Variants in RALYL observed in about 807,000 individuals in gnomAD.
The protein encoded by RALYL is RNA-binding Raly-like protein.
Under a neutral mutation model 35.1 loss-of-function variants are expected in RALYL, and 29 were observed. The ratio of observed to expected loss-of-function variants is 0.83; its 90% confidence interval spans 0.61 to 1.13. The LOEUF is 1.13. Among genes scored for constraint, RALYL ranks in the 50% most tolerant of loss-of-function variants. The probability of loss-of-function intolerance (pLI) is 0.00; values close to 1 mark genes in which losing one functional copy is unlikely to be tolerated. For missense variants in RALYL, 359 were observed against 360.4 expected, an observed-to-expected ratio of 1.00 and a Z score of 0.03; for synonymous variants, 120 against 127.6, an observed-to-expected ratio of 0.94 and a Z score of 0.40.
At chr8:84,218,628 C>A (rs1205423428) in intron 1 of RALYL, among the ~76,000 whole-genome samples, 1 of 152,010 alleles carries the variant, frequency 6.6e-6, no homozygotes, top group East Asian at 1.9e-4. Flanking sequence ...GTTTCACTCC[C>A]TCTGAAGAGT....
At chr8:84,605,560 C>G (rs543281895) in intron 2 of RALYL, among the ~76,000 whole-genome samples, 2 of 152,094 alleles carry the variant, frequency 1.3e-5, no homozygotes, top group Non-Finnish European at 2.9e-5. Flanking sequence ...ATAGGCTCAA[C>G]CCTGTTCAGT....
chr8:84,842,378 T>A (rs578070317), intron 4 of RALYL, among the ~76,000 whole-genome samples: 7 of 152,222 alleles, frequency 4.6e-5, no homozygotes, highest in African/African-American at 1.7e-4. Flanking sequence ...AAGAAACGGA[T>A]AAATTCCTCG....
rs903000312 is a variant in RALYL at position 84,862,515 on chromosome 8, G to A, written c.571+62G>A. The A allele has an allele frequency of 1.6e-5, 20 of 1,287,798 alleles. No homozygotes were observed. The Admixed American group carries it at 4.3e-4, about 28-fold the overall frequency. 79.8% of individuals were successfully genotyped at this position (1,287,798 alleles called of 1,614,324 possible). ...AGGGAGTGATTAACTATCATTGCACGAATGCCTATATTCAATAAATTAACC... is the reference window on the plus strand; with the variant it reads ...AGGGAGTGATTAACTATCATTGCACAAATGCCTATATTCAATAAATTAACC... On this transcript the variant is annotated intron_variant, in intron 6 of 8. Transcript: ENST00000521268.
intron 2 of RALYL, among the ~76,000 whole-genome samples, chr8:84,650,317 A>G (rs1828460728): frequency 6.6e-6 from 1 of 151,874 alleles, no homozygotes; most frequent in East Asian, 1.9e-4. Context: ...TTTGCAACCT[A>G]CTCATCTGAC....
intron 2 of RALYL, among the ~76,000 whole-genome samples, chr8:84,656,968 G>A (rs1830073780): frequency 6.6e-6 from 1 of 152,072 alleles, no homozygotes; most frequent in Non-Finnish European, 1.5e-5. Flanking sequence ...GAGGCAAAAT[G>A]AGCTCACTTT....
chr8:84,330,151 A>G (rs1279515492), intron 1 of RALYL, among the ~76,000 whole-genome samples: 2 of 152,074 alleles, frequency 1.3e-5, no homozygotes, highest in Non-Finnish European at 2.9e-5. Context: ...TCTCTGGAAT[A>G]AAAGAAATAC....
At chr8:84,840,903 A>T (rs1281410043) in intron 4 of RALYL, among the ~76,000 whole-genome samples, 1 of 152,208 alleles carries the variant, frequency 6.6e-6, no homozygotes, top group Non-Finnish European at 1.5e-5. Context: ...AATCCTTTAC[A>T]GACAAGCAAA....
chr8:84,477,090 T>C (rs2053515628), intron 1 of RALYL, among the ~76,000 whole-genome samples: 1 of 152,154 alleles, frequency 6.6e-6, no homozygotes, highest in Non-Finnish European at 1.5e-5. Flanking sequence ...TTTTCTTTGG[T>C]GTCATTCACT....
chr8:84,559,907 A>G (rs1009000096), intron 2 of RALYL, among the ~76,000 whole-genome samples: 1 of 151,722 alleles, frequency 6.6e-6, no homozygotes, highest in Non-Finnish European at 1.5e-5. Flanking sequence ...GAGCTCCAAG[A>G]GTACTGTAGA....
chr8:84,914,178 G>A (rs112050584), intron 8 of RALYL, among the ~76,000 whole-genome samples: 30 of 151,958 alleles, frequency 2.0e-4, no homozygotes, highest in African/African-American at 6.3e-4. Context: ...ATCCCATAAG[G>A]AACTGTGGAA....
chr8:84,562,936 G>T (rs1406678), intron 2 of RALYL, among the ~76,000 whole-genome samples: 1,687 of 152,012 alleles, frequency 0.011, 24 homozygotes, highest in African/African-American at 0.039. Flanking sequence ...TTTATGGCAT[G>T]CAGTCCTCTG....
intron 1 of RALYL, among the ~76,000 whole-genome samples, chr8:84,475,676 A>T (rs2053315939): frequency 6.6e-6 from 1 of 152,126 alleles, no homozygotes; most frequent in Admixed American, 6.6e-5. Flanking sequence ...GTGTTTACGA[A>T]GAAAGTGTTT....
intron 2 of RALYL, among the ~76,000 whole-genome samples, chr8:84,693,152 C>A (rs1838408665): frequency 6.6e-6 from 1 of 151,874 alleles, no homozygotes; most frequent in Non-Finnish European, 1.5e-5. Context: ...ATTTGTAGAG[C>A]AACTAATATA....
At chr8:84,255,535 C>A (rs1391593266) in intron 1 of RALYL, among the ~76,000 whole-genome samples, 2 of 152,066 alleles carry the variant, frequency 1.3e-5, no homozygotes. Context: ...GAAGTTAGTG[C>A]AAATTTTTCT....
intron 2 of RALYL, among the ~76,000 whole-genome samples, chr8:84,687,934 G>A (rs1837173797): frequency 6.6e-6 from 1 of 151,516 alleles, no homozygotes; most frequent in South Asian, 2.1e-4. Flanking sequence ...TCATTTTTTG[G>A]GCACTTTACA....
chr8:84,621,468 A>G (rs1227000193), intron 2 of RALYL, among the ~76,000 whole-genome samples: 2 of 152,066 alleles, frequency 1.3e-5, no homozygotes, highest in Non-Finnish European at 2.9e-5. Context: ...CGCACAGTGC[A>G]CGCACCCACT....
intron 8 of RALYL, among the ~76,000 whole-genome samples, chr8:84,907,710 A>T (rs985358760): frequency 6.6e-6 from 1 of 152,064 alleles, no homozygotes; most frequent in Non-Finnish European, 1.5e-5. Context: ...CATCAGTGGT[A>T]CTATTTTTTA....
intron 2 of RALYL, among the ~76,000 whole-genome samples, chr8:84,619,146 C>G (rs1025974251): frequency 6.6e-6 from 1 of 151,384 alleles, no homozygotes; most frequent in African/African-American, 2.4e-5. Flanking sequence ...TCCTGGGTAT[C>G]CTTGTTGACT....
At chr8:84,841,533 A>C (rs1165896851) in intron 4 of RALYL, among the ~76,000 whole-genome samples, 4 of 152,056 alleles carry the variant, frequency 2.6e-5, no homozygotes, top group East Asian at 1.9e-4. Context: ...ACTTTAACAC[A>C]CCACTGTCAA....
Sources: gnomAD v4.1 joint callset for allele counts (sites outside exome capture counted in the v4.1 genomes callset) on GRCh38, gnomAD v4.1.1 for gene constraint, MANE v1.5 for transcripts, NCBI Gene and HGNC (gene_info 2026-07-23, HGNC 2026-07-21) for gene names.